Variants in ZFC3H1 observed in about 807,000 individuals in gnomAD.
ZFC3H1 encodes the protein zinc finger C3H1-type containing.
A neutral mutation model predicts 243.7 loss-of-function variants in ZFC3H1; 71 were observed. That is an observed-to-expected ratio of 0.29 (90% CI 0.24 to 0.36). The LOEUF is 0.36. Among genes scored for constraint, ZFC3H1 ranks in the 10% least tolerant of loss-of-function variants. ZFC3H1 has a pLI of 1.00. For synonymous variants in ZFC3H1, 838 were observed against 813.0 expected, an observed-to-expected ratio of 1.03 and a Z score of -0.52; for missense variants, 1,966 against 2,317.1, an observed-to-expected ratio of 0.85 and a Z score of 3.11.
rs774021819 is a variant in ZFC3H1 at position 71,630,968 on chromosome 12, A to T, written c.3471-14T>A. 1 of 1,595,006 alleles carries T rather than the reference A, an allele frequency of 6.3e-7. No individual in the cohort carries two copies. The highest frequency in any genetic ancestry group is 1.1e-5 in the South Asian group (1 of 88,332). On this transcript the variant is annotated splice_polypyrimidine_tract_variant and intron_variant, in intron 16 of 34. Transcript: ENST00000378743. ...TATGGACTAAATCTAAGGTGAAGAGAGTGAACAGGTATATTATGCCCAACA... is the reference window on the plus strand; with the variant it reads ...TATGGACTAAATCTAAGGTGAAGAGTGTGAACAGGTATATTATGCCCAACA...
Position 71,631,986 on chromosome 12 carries a change from CCTT to C in ZFC3H1, c.3343_3345del (p.Lys1115del). On this transcript the variant is annotated inframe_deletion, in exon 15 of 35. Coordinates refer to ENST00000378743, the MANE Select transcript of ZFC3H1 (RefSeq NM_144982.5). ...TGTTCAGTTACCTGACCATGCAAAA[CCTT>C]CTCTGTAATGCCTGTGGTGGTTTTT... The C allele has an allele frequency of 6.3e-7, 1 of 1,598,818 alleles. No homozygotes were observed.
intron 4 of ZFC3H1, 28 bp from the exon 5 acceptor site, chr12:71,644,346 G>C: frequency 6.3e-7 from 1 of 1,598,590 alleles, no homozygotes; most frequent in Non-Finnish European, 8.5e-7. Flanking sequence ...ATAAACATTA[G>C]CATCTGTTAG....
Position 71,632,395 on chromosome 12 carries a change from T to C in ZFC3H1, c.2937A>G (p.Lys979=). 1 of 1,613,152 alleles carries C rather than the reference T, an allele frequency of 6.2e-7. No individual in the cohort carries two copies. Among genetic ancestry groups the C allele is most frequent in the Non-Finnish European group, 8.5e-7 (1 of 1,179,868 alleles). ...LQKLEYEYAL[K]IQKLKEARAL... ...CACGGGCTTCTTTTAATTTTTGAATTTTCAGGGCATATTCATATTCTAGCT... is the reference window on the plus strand; with the variant it reads ...CACGGGCTTCTTTTAATTTTTGAATCTTCAGGGCATATTCATATTCTAGCT... Residue 979 remains lysine, a synonymous_variant, in exon 15 of 35, where the codon AAA becomes AAG. Transcript: ENST00000378743.
intron 16 of ZFC3H1, among the ~76,000 whole-genome samples, chr12:71,631,212 C>G (rs1457536065): frequency 6.6e-6 from 1 of 151,970 alleles, no homozygotes; most frequent in Non-Finnish European, 1.5e-5. Flanking sequence ...TAGTTTCTCA[C>G]CACATAATAA....
Position 71,663,599 on chromosome 12 carries a change from T to A in ZFC3H1, c.12A>T (p.Ala4=). 6.2e-7 allele frequency: 1 copy of A among 1,609,578 alleles called. No homozygotes were observed. Among genetic ancestry groups the A allele is most frequent in the Non-Finnish European group, 8.5e-7 (1 of 1,179,070 alleles). ...CACTGGAGGCCGGGGCCGGAGTATC[T>A]GCGGTCGCCATCCGGGGAGCAGCGC... MAT[A]DTPAPASSGL... is the part of the protein sequence containing the mutation. The change falls in exon 1 of 35, where the codon GCA becomes GCT. Residue 4 remains alanine (A), a synonymous_variant. Coordinates refer to ENST00000378743, the MANE Select transcript of ZFC3H1 (RefSeq NM_144982.5).
At chr12:71,654,930 T>C (rs1450443011) in intron 2 of ZFC3H1, among the ~76,000 whole-genome samples, 1 of 152,088 alleles carries the variant, frequency 6.6e-6, no homozygotes. Flanking sequence ...GGCAAAAACA[T>C]CAGAGATAAA....
intron 30 of ZFC3H1, chr12:71,613,871 C>A (rs2137513077): frequency 6.5e-6 from 1 of 152,740 alleles, no homozygotes; most frequent in South Asian, 2.1e-4. Context: ...TGATTAGCAA[C>A]AAAACCACCC....
chr12:71,646,641 T>G (rs1149013), intron 3 of ZFC3H1, among the ~76,000 whole-genome samples: 95,998 of 152,090 alleles, frequency 0.63, 33,672 homozygotes, highest in Non-Finnish European at 0.79. Flanking sequence ...TTTTCAACTT[T>G]GGATCTCACT....
intron 26 of ZFC3H1, 75 bp from the exon 27 acceptor site, chr12:71,619,484 A>G: frequency 1.4e-6 from 2 of 1,433,842 alleles, no homozygotes; most frequent in Non-Finnish European, 1.9e-6. Flanking sequence ...GGAGAAAAAA[A>G]GCCTTAAAAA....
At position 71,647,766 on chromosome 12, in the gene ZFC3H1, C is replaced by T; in HGVS notation, c.1063G>A (p.Asp355Asn). 6.8e-7 allele frequency: 1 copy of T among 1,480,288 alleles called. No individual in the cohort carries two copies. Among genetic ancestry groups the T allele is most frequent in the Non-Finnish European group, 9.2e-7 (1 of 1,087,492 alleles). 91.7% of individuals were successfully genotyped at this position (1,480,288 alleles called of 1,614,324 possible). ...TATCTTACCTTTTCAGACAGAATAT[C>T]TGAGGTACTAATTCTTCTTGTTAAA... is the stretch of plus-strand genomic sequence containing the variant. ...QNLTRRISTS[D>N]ILSEKKLGED... Residue 355 changes from aspartate to asparagine, a missense_variant, in exon 3 of 35, where the codon GAT (aspartate) becomes AAT (asparagine). Physicochemically the swap from Asp to Asn is conservative, Grantham distance 23. This residue lies in a region of ZFC3H1 where 484 missense variants were observed against 449.7 expected (regional missense o/e 1.08). Transcript: ENST00000378743.
chr12:71,631,099 T>G (rs1880310963), intron 16 of ZFC3H1, 145 bp from the exon 17 acceptor site: 1 of 844,780 alleles, frequency 1.2e-6, no homozygotes, highest in East Asian at 3.0e-5. Flanking sequence ...ATGCCAAAAT[T>G]AATTCGAGAA....
In ZFC3H1 at chr12:71,631,774, A is replaced by T; in HGVS notation, c.3470+4T>A. 1 of 1,578,918 alleles carries T rather than the reference A, an allele frequency of 6.3e-7. No individual in the cohort carries two copies. The highest frequency in any genetic ancestry group is 8.6e-7 in the Non-Finnish European group (1 of 1,167,354). ...TTCAAGCTTATTGAATCTTTCTTTT[A>T]TACCTGTAGGACTTAAAAACTAGAA... On this transcript the variant is annotated splice_donor_region_variant and intron_variant, in intron 16 of 34. Coordinates refer to ENST00000378743, the MANE Select transcript of ZFC3H1 (RefSeq NM_144982.5).
At chr12:71,661,232 G>A (rs774928313) in intron 1 of ZFC3H1, among the ~76,000 whole-genome samples, 1 of 150,482 alleles carries the variant, frequency 6.6e-6, no homozygotes, top group Non-Finnish European at 1.5e-5. Flanking sequence ...CCCGGGAGGC[G>A]GAGCTTGCAG....
At chr12:71,643,378 C>G (rs1880648328) in intron 5 of ZFC3H1, among the ~76,000 whole-genome samples, 1 of 151,366 alleles carries the variant, frequency 6.6e-6, no homozygotes, top group South Asian at 2.1e-4. Context: ...TGCCATTGCA[C>G]TCCAGCCTGG....
rs1269311447 is a variant in ZFC3H1, at chr12:71,618,028, G to T, written c.5144+1287C>A. Among the ~76,000 whole-genome samples, 4 of 152,258 alleles carry T rather than the reference G, an allele frequency of 2.6e-5. No homozygotes were observed. In the East Asian group the frequency reaches 5.8e-4, roughly 22 times the overall value. On this transcript the variant is annotated intron_variant, in intron 27 of 34. Coordinates refer to ENST00000378743, the MANE Select transcript of ZFC3H1 (RefSeq NM_144982.5). ...ACCTGTAATCCTAGCACTTTGGGAG[G>T]CCAAGGCAGGCGGATTGCCTGAGCT...
At chr12:71,641,153 T>C (rs1325734808) in intron 6 of ZFC3H1, among the ~76,000 whole-genome samples, 7 of 152,236 alleles carry the variant, frequency 4.6e-5, no homozygotes, top group African/African-American at 1.7e-4. Context: ...AGTTATTTTA[T>C]AGAAATAAAG....
At chr12:71,647,579 C>T (rs1880759980) in intron 3 of ZFC3H1, among the ~76,000 whole-genome samples, 170 bp downstream of exon 3, 1 of 152,088 alleles carries the variant, frequency 6.6e-6, no homozygotes, top group Admixed American at 6.5e-5. Context: ...GGAAAAGAGA[C>T]TGCAAGATGT....
Position 71,619,938 on chromosome 12 carries a change from G to C in ZFC3H1, c.5037C>G (p.Phe1679Leu), listed in dbSNP as rs771437415. ...GCATCATTTTTACCTGTAAGATGAA[G>C]AATTTGCACATATGATAAAAAACCT... is the stretch of plus-strand genomic sequence containing the variant. The part of the protein sequence containing the change: ...NAEVFYHMCK[F>L]FILQNRGDNL... Residue 1679 changes from phenylalanine to leucine, a missense_variant, in exon 26 of 35, where the codon TTC becomes TTG. Physicochemically the swap from Phe to Leu is conservative, Grantham distance 22. Transcript: ENST00000378743. 1.4e-5 allele frequency: 22 copies of C among 1,586,412 alleles called. No homozygotes were observed. The highest frequency in any genetic ancestry group is 5.1e-6 in the Non-Finnish European group (6 of 1,165,090).
intron 22 of ZFC3H1, 43 bp from the exon 23 acceptor site, chr12:71,624,335 A>G: frequency 6.6e-7 from 1 of 1,522,170 alleles, no homozygotes; most frequent in South Asian, 1.3e-5. Flanking sequence ...CCTTTCAGGA[A>G]TAAACCAAAA....
Sources: allele counts gnomAD v4.1 joint callset (sites outside exome capture counted in the v4.1 genomes callset), GRCh38; gene constraint gnomAD v4.1.1; regional missense constraint gnomAD v4.1.1; transcripts MANE v1.5; gene names NCBI Gene and HGNC (gene_info 2026-07-23, HGNC 2026-07-21).